Variants in RALGPS2 observed in about 807,000 individuals in gnomAD.
RALGPS2 encodes Ral GEF with PH domain and SH3 binding motif 2.
A neutral mutation model predicts 86.8 loss-of-function variants in RALGPS2; 43 were observed. The observed-to-expected ratio is 0.50, with a 90% confidence interval of 0.39 to 0.64. The LOEUF is 0.64. Among genes scored for constraint, RALGPS2 ranks in the 30% least tolerant of loss-of-function variants. RALGPS2 has a pLI of 0.00. For synonymous variants in RALGPS2, 243 were observed against 231.3 expected, an observed-to-expected ratio of 1.05 and a Z score of -0.46; for missense variants, 536 against 694.6, an observed-to-expected ratio of 0.77 and a Z score of 2.57.
At chr1:178,726,931 G>A (rs1286011540) in intron 1 of RALGPS2, among the ~76,000 whole-genome samples, 1 of 152,198 alleles carries the variant, frequency 6.6e-6, no homozygotes, top group African/African-American at 2.4e-5. Context: ...ACACATAAGT[G>A]TATTACTCTT....
At chr1:178,889,974 A>G (rs1039988000) in intron 14 of RALGPS2, among the ~76,000 whole-genome samples, 2 of 151,986 alleles carry the variant, frequency 1.3e-5, no homozygotes, top group African/African-American at 4.8e-5. Flanking sequence ...ATCATCGACA[A>G]GTAACCTACT....
At chr1:178,735,224 G>A (rs1650604233) in intron 1 of RALGPS2, among the ~76,000 whole-genome samples, 2 of 152,050 alleles carry the variant, frequency 1.3e-5, no homozygotes, top group Admixed American at 1.3e-4. Flanking sequence ...AAAATGGTGA[G>A]CAAAAGAAAC....
At chr1:178,866,181 A>G (rs548867796) in intron 8 of RALGPS2, among the ~76,000 whole-genome samples, 5 of 152,278 alleles carry the variant, frequency 3.3e-5, no homozygotes, top group African/African-American at 1.2e-4. Context: ...CCTTAAGACT[A>G]TGAAAATGGT....
intron 2 of RALGPS2, among the ~76,000 whole-genome samples, chr1:178,781,879 C>G (rs1653410426): frequency 6.6e-6 from 1 of 152,052 alleles, no homozygotes; most frequent in Non-Finnish European, 1.5e-5. Context: ...ATAAACTAGT[C>G]ATAGTTACAG....
At chr1:178,808,009 T>C (rs1480904445) in intron 4 of RALGPS2, 36 bp from the exon 5 acceptor site, 4 of 1,323,788 alleles carry the variant, frequency 3.0e-6, no homozygotes, top group Non-Finnish European at 4.4e-6. Flanking sequence ...AAAACTAGGC[T>C]ATTACTTAAA....
At position 178,920,203 on chromosome 1, in the gene RALGPS2, A is replaced by C. The variant is rs1464827782; in HGVS notation, c.*3844A>C. The C allele has an allele frequency of 2.6e-5, 4 of 152,062 alleles. No individual in the cohort carries two copies. The highest frequency in any genetic ancestry group is 5.9e-5 in the Non-Finnish European group (4 of 67,904). The allele number at this position is 152,062 out of a possible 1,614,324, so 9.4% of individuals were successfully genotyped here. A position where few individuals can be genotyped will look rare whatever the true frequency, so the allele number is the denominator to read the frequency against. On this transcript the variant is annotated 3_prime_UTR_variant, in exon 20 of 20. Coordinates refer to ENST00000367635, the MANE Select transcript of RALGPS2 (RefSeq NM_152663.5). ...ATGTGAACCTTCTCAAAATGATTTA[A>C]GTACCTTTGATTTTGCTCCCCTAAA... is the stretch of plus-strand genomic sequence containing the variant.
intron 19 of RALGPS2, among the ~76,000 whole-genome samples, chr1:178,910,774 T>C (rs1209192973): frequency 3.3e-5 from 5 of 152,218 alleles, no homozygotes; most frequent in Non-Finnish European, 5.9e-5. Context: ...GTTGGCTTCA[T>C]GGAATGAGTT....
intron 1 of RALGPS2, among the ~76,000 whole-genome samples, chr1:178,773,979 G>GCCTGTAATC (rs1203994985): frequency 6.6e-6 from 1 of 152,162 alleles, no homozygotes; most frequent in Non-Finnish European, 1.5e-5. Flanking sequence ...AGTGGCTGAC[G>GCCTGTAATC]CCTGTAATCC....
intron 19 of RALGPS2, among the ~76,000 whole-genome samples, chr1:178,907,830 C>T (rs2102414272): frequency 6.6e-6 from 1 of 152,302 alleles, no homozygotes; most frequent in South Asian, 2.1e-4. Context: ...ATTACCCTTT[C>T]TTGATAATTG....
At chr1:178,880,355 A>T (rs192324959) in intron 10 of RALGPS2, among the ~76,000 whole-genome samples, 119 of 152,338 alleles carry the variant, frequency 7.8e-4, no homozygotes, top group African/African-American at 2.8e-3. Flanking sequence ...AATTTTACTG[A>T]TGTTTGAAAA....
intron 8 of RALGPS2, chr1:178,865,106 G>C: frequency 6.4e-7 from 1 of 1,572,110 alleles, no homozygotes; most frequent in Non-Finnish European, 8.6e-7. Context: ...TTGGCTGTTA[G>C]GAATATGTTG....
At chr1:178,740,197 T>C (rs957060862) in intron 1 of RALGPS2, among the ~76,000 whole-genome samples, 1 of 152,208 alleles carries the variant, frequency 6.6e-6, no homozygotes, top group Non-Finnish European at 1.5e-5. Context: ...GGCAAGACTT[T>C]TGAGTCCCAG....
intron 7 of RALGPS2, among the ~76,000 whole-genome samples, chr1:178,830,676 C>G (rs958128360): frequency 2.0e-5 from 3 of 152,064 alleles, no homozygotes; most frequent in African/African-American, 7.2e-5. Flanking sequence ...GAATAGATTT[C>G]TGGCTTTGGA....
intron 1 of RALGPS2, among the ~76,000 whole-genome samples, chr1:178,734,764 G>C (rs936646744): frequency 1.3e-5 from 2 of 152,090 alleles, no homozygotes; most frequent in Admixed American, 6.6e-5. Flanking sequence ...TTTCTTGTTG[G>C]TCTAAAATAG....
At chr1:178,732,458 C>T (rs1434575681) in intron 1 of RALGPS2, among the ~76,000 whole-genome samples, 1 of 152,038 alleles carries the variant, frequency 6.6e-6, no homozygotes, top group Non-Finnish European at 1.5e-5. Flanking sequence ...GCCACCACAT[C>T]CGGCTAATTT....
intron 4 of RALGPS2, among the ~76,000 whole-genome samples, chr1:178,799,990 A>G (rs1168423295): frequency 1.3e-5 from 2 of 152,226 alleles, no homozygotes; most frequent in Non-Finnish European, 2.9e-5. Flanking sequence ...GATTGTGGAT[A>G]TGGCAAAAAA....
At chr1:178,807,918 G>C in intron 4 of RALGPS2, 127 bp from the exon 5 acceptor site, 1 of 700,160 alleles carries the variant, frequency 1.4e-6, no homozygotes, top group Non-Finnish European at 2.6e-6. Flanking sequence ...ATAATATTAT[G>C]TATGTTCCCA....
chr1:178,764,837 C>T (rs1652415879), intron 1 of RALGPS2, among the ~76,000 whole-genome samples: 1 of 152,138 alleles, frequency 6.6e-6, no homozygotes, highest in African/African-American at 2.4e-5. Context: ...GAATTGTAAT[C>T]CCCAGTGTTG....
intron 1 of RALGPS2, among the ~76,000 whole-genome samples, chr1:178,748,368 C>G (rs575634806): frequency 3.6e-4 from 54 of 151,592 alleles, no homozygotes; most frequent in Non-Finnish European, 7.8e-4. Context: ...CAGCTCCACT[C>G]CTAGGTATCT....
Sources: gnomAD v4.1 joint callset for allele counts (sites outside exome capture counted in the v4.1 genomes callset) on GRCh38, gnomAD v4.1.1 for gene constraint, MANE v1.5 for transcripts, NCBI Gene and HGNC (gene_info 2026-07-23, HGNC 2026-07-21) for gene names.